Variants in FMN2 observed in about 807,000 individuals in gnomAD.
FMN2 encodes formin 2.
In FMN2, 51 loss-of-function variants were observed where a neutral mutation model predicts 142.3. That is an observed-to-expected ratio of 0.36 (90% CI 0.29 to 0.45). The LOEUF is 0.45. FMN2 is among the 20% of genes least tolerant of loss of function. The pLI is 1.00. For synonymous variants in FMN2, 882 were observed against 869.8 expected (o/e 1.01, Z -0.25); for missense variants, 1,936 against 2,122.8 (o/e 0.91, Z 1.73).
intron 2 of FMN2, among the ~76,000 whole-genome samples, chr1:240,157,974 TAAA>T (rs369527022): frequency 2.7e-5 from 2 of 73,718 alleles, no homozygotes; most frequent in Admixed American, 1.5e-4. Flanking sequence ...CTGTCTCTAC[TAAA>T]AAAAAAAAAA....
intron 1 of FMN2, among the ~76,000 whole-genome samples, chr1:240,119,946 G>A (rs1045046709): frequency 1.3e-5 from 2 of 152,174 alleles, no homozygotes; most frequent in Non-Finnish European, 2.9e-5. Flanking sequence ...TTAATCACTT[G>A]AGAATTGAGG....
At chr1:240,407,911 A>G (rs552488189) in intron 15 of FMN2, among the ~76,000 whole-genome samples, 1 of 152,244 alleles carries the variant, frequency 6.6e-6, no homozygotes, top group South Asian at 2.1e-4. Context: ...TTGCATCTAT[A>G]CTGATTTTTG....
chr1:240,250,760 C>G (rs758304109), intron 6 of FMN2, among the ~76,000 whole-genome samples: 3 of 151,908 alleles, frequency 2.0e-5, no homozygotes, highest in Non-Finnish European at 4.4e-5. Flanking sequence ...GATTCAATCT[C>G]ACAACTCATT....
At chr1:240,355,275 T>C (rs1672225439) in intron 13 of FMN2, among the ~76,000 whole-genome samples, 1 of 152,182 alleles carries the variant, frequency 6.6e-6, no homozygotes, top group Admixed American at 6.5e-5. Flanking sequence ...TAATAGATGC[T>C]CTACAATTAT....
intron 4 of FMN2, among the ~76,000 whole-genome samples, chr1:240,201,068 A>G (rs948505225): frequency 3.3e-5 from 5 of 152,180 alleles, no homozygotes; most frequent in Admixed American, 6.5e-5. Context: ...GGGTATATCA[A>G]TTCTTTATTT....
chr1:240,427,314 T>C (rs1674985946), intron 15 of FMN2, among the ~76,000 whole-genome samples: 2 of 152,038 alleles, frequency 1.3e-5, no homozygotes, highest in South Asian at 4.1e-4. Flanking sequence ...CACGCCATTC[T>C]CCTGCCTCAG....
At chr1:240,360,224 T>C (rs1021794384) in intron 14 of FMN2, among the ~76,000 whole-genome samples, 3 of 152,222 alleles carry the variant, frequency 2.0e-5, no homozygotes, top group Non-Finnish European at 2.9e-5. Context: ...AATCTTCCTG[T>C]TCCATTTACC....
At chr1:240,155,093 G>C (rs1663966371) in intron 2 of FMN2, among the ~76,000 whole-genome samples, 1 of 151,674 alleles carries the variant, frequency 6.6e-6, no homozygotes, top group African/African-American at 2.4e-5. Flanking sequence ...GTTTCATCAT[G>C]TTGCCCAGGC....
chr1:240,257,885 C>G, intron 6 of FMN2, 60 bp from the exon 7 acceptor site: 1 of 1,356,712 alleles, frequency 7.4e-7, no homozygotes, highest in East Asian at 2.3e-5. Context: ...TTTTAAAATG[C>G]TAGTAAGCAT....
At chr1:240,353,598 A>G (rs1027927509) in intron 13 of FMN2, among the ~76,000 whole-genome samples, 1 of 152,192 alleles carries the variant, frequency 6.6e-6, no homozygotes, top group Non-Finnish European at 1.5e-5. Context: ...TAACTTTAAT[A>G]TAGTGTGGTA....
intron 6 of FMN2, among the ~76,000 whole-genome samples, chr1:240,243,732 C>T (rs1667989782): frequency 6.6e-6 from 1 of 152,126 alleles, no homozygotes; most frequent in African/African-American, 2.4e-5. Context: ...ATCTTGAGGC[C>T]AAGGAGCTTG....
At chr1:240,115,649 T>A (rs1486341672) in intron 1 of FMN2, among the ~76,000 whole-genome samples, 1 of 152,094 alleles carries the variant, frequency 6.6e-6, no homozygotes, top group Non-Finnish European at 1.5e-5. Flanking sequence ...TTTTCCCCAG[T>A]CCTCCTGCTA....
intron 2 of FMN2, among the ~76,000 whole-genome samples, chr1:240,174,580 G>C (rs967503988): frequency 2.0e-4 from 30 of 151,930 alleles, no homozygotes; most frequent in African/African-American, 7.2e-4. Flanking sequence ...TGCCCAGGCT[G>C]GTCTTGAGCT....
At chr1:240,401,241 A>G (rs1673977848) in intron 15 of FMN2, 2 of 151,946 alleles carry the variant, frequency 1.3e-5, no homozygotes, top group South Asian at 4.2e-4. Flanking sequence ...AGCTAGGAGT[A>G]TGAATTTAGG....
chr1:240,268,159 A>G (rs911839895), intron 7 of FMN2, among the ~76,000 whole-genome samples: 3 of 152,086 alleles, frequency 2.0e-5, no homozygotes, highest in African/African-American at 7.2e-5. Flanking sequence ...AGGAACTGTT[A>G]CTTCTGATTG....
At chr1:240,232,370 G>A (rs954584778) in intron 6 of FMN2, among the ~76,000 whole-genome samples, 6 of 151,458 alleles carry the variant, frequency 4.0e-5, no homozygotes, top group African/African-American at 7.3e-5. Context: ...CATTACAGGC[G>A]TGAGCCACTG....
intron 16 of FMN2, 121 bp downstream of exon 16, chr1:240,438,331 C>A: frequency 2.7e-6 from 3 of 1,100,434 alleles, no homozygotes; most frequent in Non-Finnish European, 3.9e-6. Context: ...CCCGGGGTAG[C>A]AAGTTGAAGA....
chr1:240,367,491 G>A (rs1006198278), intron 14 of FMN2, among the ~76,000 whole-genome samples: 12 of 151,802 alleles, frequency 7.9e-5, no homozygotes, highest in Non-Finnish European at 1.5e-4. Flanking sequence ...GAAATCCGGC[G>A]GGGGGCAGTG....
chr1:240,308,262 G>A (rs941009092), intron 8 of FMN2, among the ~76,000 whole-genome samples: 1 of 152,110 alleles, frequency 6.6e-6, no homozygotes, highest in Non-Finnish European at 1.5e-5. Flanking sequence ...ACAAGGGAGG[G>A]GAACATTGTA....
Sources: allele counts gnomAD v4.1 joint callset (sites outside exome capture counted in the v4.1 genomes callset), GRCh38; gene constraint gnomAD v4.1.1; transcripts MANE v1.5; gene names NCBI Gene and HGNC (gene_info 2026-07-23, HGNC 2026-07-21).